Variants in SLC5A8 observed in about 807,000 individuals in gnomAD.
SLC5A8 encodes the protein solute carrier family 5 member 8, also known as sodium-coupled monocarboxylate transporter 1.
SLC5A8 carries 55 observed loss-of-function variants against 71.9 expected under a neutral mutation model. That is an observed-to-expected ratio of 0.77 (90% CI 0.62 to 0.96). The LOEUF (loss-of-function observed/expected upper bound fraction) is 0.96. SLC5A8 is among the 40% of genes least tolerant of loss of function. The pLI, the probability that SLC5A8 is intolerant of heterozygous loss-of-function variation, is 0.00. For synonymous variants in SLC5A8, 307 were observed against 276.1 expected (o/e 1.11, Z -1.11); for missense variants, 701 against 745.3 (o/e 0.94, Z 0.69).
rs1869831807 is a variant in SLC5A8 at position 101,209,621 on chromosome 12, G to A, written c.228C>T (p.Ser76=). Residue 76 remains serine (S), a synonymous_variant, in exon 1 of 15, where the codon TCC becomes TCT. Transcript: ENST00000536262. ...MSAVTVLGTP[S]EVYRFGAIFS... is the part of the protein sequence containing the mutation. The stretch of plus-strand genomic sequence containing the variant: ...AAATGGCCCCAAAACGGTAGACCTC[G>A]GAGGGGGTGCCCAGGACAGTGACGG... The A allele has an allele frequency of 5.6e-6, 9 of 1,613,986 alleles. No homozygotes were observed. The highest frequency in any genetic ancestry group is 1.1e-5 in the South Asian group (1 of 91,086).
Position 101,156,142 on chromosome 12 carries a change from C to T in SLC5A8, c.*1137G>A, listed in dbSNP as rs986443443. Reference sequence around the variant, plus strand: ...GAACAAAGCATTTTTTGAGTCCAGACGTTTTAAAAAAAGTAGTGTTTGCTT... The same window carrying T: ...GAACAAAGCATTTTTTGAGTCCAGATGTTTTAAAAAAAGTAGTGTTTGCTT... On this transcript the variant is annotated 3_prime_UTR_variant, in exon 15 of 15. Transcript: ENST00000536262. The T allele has an allele frequency of 2.0e-5, 3 of 151,786 alleles. No homozygotes were observed. The highest frequency in any genetic ancestry group is 2.9e-5 in the Non-Finnish European group (2 of 67,952). 9.4% of individuals were successfully genotyped at this position (151,786 alleles called of 1,614,324 possible).
intron 10 of SLC5A8, among the ~76,000 whole-genome samples, chr12:101,175,965 C>T (rs1309656389): frequency 1.3e-5 from 2 of 151,960 alleles, no homozygotes; most frequent in Admixed American, 1.3e-4. Flanking sequence ...AAACAGACAA[C>T]TAAAAACTGA....
intron 10 of SLC5A8, among the ~76,000 whole-genome samples, chr12:101,173,999 A>T (rs111827429): frequency 1.3e-5 from 2 of 152,110 alleles, no homozygotes; most frequent in African/African-American, 2.4e-5. Context: ...CAGGTTTTTC[A>T]TGGTGGCAAT....
intron 1 of SLC5A8, among the ~76,000 whole-genome samples, chr12:101,205,624 CG>C (rs1267067148): frequency 1.3e-5 from 2 of 151,924 alleles, no homozygotes; most frequent in African/African-American, 4.8e-5. Context: ...TTTTTTGCCC[CG>C]TGATCATGGC....
chr12:101,159,910 G>T (rs182640883), intron 13 of SLC5A8, among the ~76,000 whole-genome samples: 37 of 152,292 alleles, frequency 2.4e-4, no homozygotes, highest in Non-Finnish European at 1.5e-4. Flanking sequence ...TGGGCATGGT[G>T]GTGGCTCACG....
chr12:101,167,346 T>A (rs118121920), intron 11 of SLC5A8, among the ~76,000 whole-genome samples: 1,926 of 152,312 alleles, frequency 0.013, 20 homozygotes, highest in Admixed American at 0.024. Context: ...TACCAATTCC[T>A]AATGCCTTAT....
Position 101,209,480 on chromosome 12 carries a change from G to T in SLC5A8, c.351+18C>A. 28 of 991,320 alleles carry T rather than the reference G, an allele frequency of 2.8e-5. No individual in the cohort carries two copies. The highest frequency in any genetic ancestry group is 5.9e-5 in the East Asian group (2 of 33,626). The allele number at this position is 991,320 out of a possible 1,614,324, so 61.4% of individuals were successfully genotyped here. A position where few individuals can be genotyped will look rare whatever the true frequency, so the allele number is the denominator to read the frequency against. On this transcript the variant is annotated intron_variant, in intron 1 of 14. Transcript: ENST00000536262. ...TTCCCCCGCGCCCTGCATGGTCCCAGCCCACCCTGCCCCTTACCTCGTAGG... is the reference window on the plus strand; with the variant it reads ...TTCCCCCGCGCCCTGCATGGTCCCATCCCACCCTGCCCCTTACCTCGTAGG...
intron 13 of SLC5A8, among the ~76,000 whole-genome samples, chr12:101,158,533 C>G (rs185019294): frequency 7.1e-6 from 1 of 140,666 alleles, no homozygotes; most frequent in Admixed American, 7.3e-5. Context: ...GAAAGCCTCT[C>G]ACTATAATAA....
rs55796436 is a variant in SLC5A8 at position 101,157,183 on chromosome 12, AACAC to A, written c.*92_*95del. The A allele has an allele frequency of 3.7e-5, 52 of 1,390,394 alleles. No individual in the cohort carries two copies. Among genetic ancestry groups the A allele is most frequent in the South Asian group, 2.1e-4 (14 of 66,280 alleles). 86.1% of individuals were successfully genotyped at this position (1,390,394 alleles called of 1,614,324 possible). A position where few individuals can be genotyped will look rare whatever the true frequency, so the allele number is the denominator to read the frequency against. On this transcript the variant is annotated 3_prime_UTR_variant, in exon 15 of 15. Coordinates refer to ENST00000536262, the MANE Select transcript of SLC5A8 (RefSeq NM_145913.5). ...CTTATCCCCCAAACACTCATGATACAACACACACACACACACAAAGAAAACCTGA... is the reference window on the plus strand; with the variant it reads ...CTTATCCCCCAAACACTCATGATACAACACACACACACAAAGAAAACCTGA...
rs986333290 is a variant in SLC5A8 at position 101,183,997 on chromosome 12, G to A, written c.1052+137C>T. 1.8e-5 allele frequency: 13 copies of A among 740,746 alleles called. No individual in the cohort carries two copies. The East Asian group carries it at 2.1e-4, about 12-fold the overall frequency. 45.9% of individuals were successfully genotyped at this position (740,746 alleles called of 1,614,324 possible). On this transcript the variant is annotated intron_variant, in intron 8 of 14. Transcript: ENST00000536262. ...ACAGAGATAAGTCAGACCACAGAGA[G>A]GACACATACAGCAGATTGCCTACTT...
At position 101,209,872 on chromosome 12, in the gene SLC5A8, G is replaced by A. The variant is rs1202255058; in HGVS notation, c.-24C>T. ...ATGGCCGCACGGTCGCCTGAGCCCT[G>A]CGCGCAAACTGGTGGCCCCGCGGCG... On this transcript the variant is annotated 5_prime_UTR_variant, in exon 1 of 15. Coordinates refer to ENST00000536262, the MANE Select transcript of SLC5A8 (RefSeq NM_145913.5). 1 of 1,496,332 alleles carries A rather than the reference G, an allele frequency of 6.7e-7. No individual in the cohort carries two copies. The highest frequency in any genetic ancestry group is 1.4e-5 in the South Asian group (1 of 73,724). 92.7% of individuals were successfully genotyped at this position (1,496,332 alleles called of 1,614,324 possible).
chr12:101,180,119 A>G, intron 9 of SLC5A8, 23 bp from the exon 10 acceptor site: 1 of 1,612,892 alleles, frequency 6.2e-7, no homozygotes. Flanking sequence ...CATAAAAGCC[A>G]GTGTAAAATC....
intron 3 of SLC5A8, among the ~76,000 whole-genome samples, chr12:101,201,709 T>G (rs1240631386): frequency 6.6e-6 from 1 of 152,192 alleles, no homozygotes; most frequent in South Asian, 2.1e-4. Context: ...TCAAATCACA[T>G]GGCTCTCTTT....
At chr12:101,173,467 C>T (rs112754782) in intron 10 of SLC5A8, among the ~76,000 whole-genome samples, 1,662 of 152,250 alleles carry the variant, frequency 0.011, 18 homozygotes, top group South Asian at 0.029. Context: ...GCCAGCACAC[C>T]CAGGATCATC....
In SLC5A8 at chr12:101,157,349, T is replaced by C; in HGVS notation, c.1763A>G (p.Asp588Gly). ...KSHPVEDGGT[D>G]NPAFNHIELN... is the part of the protein sequence containing the mutation. Reference sequence around the variant, plus strand: ...TTCAATGTGGTTGAAAGCAGGATTATCAGTTCCACCATCTTCCACTGGATG... The same window carrying C: ...TTCAATGTGGTTGAAAGCAGGATTACCAGTTCCACCATCTTCCACTGGATG... The change falls in exon 15 of 15, where the codon GAT (aspartate) becomes GGT (glycine). Residue 588 changes from aspartate to glycine, a missense_variant. Transcript: ENST00000536262. 1 of 1,613,074 alleles carries C rather than the reference T, an allele frequency of 6.2e-7. No individual in the cohort carries two copies.
intron 6 of SLC5A8, among the ~76,000 whole-genome samples, chr12:101,190,119 C>T (rs1818071632): frequency 6.6e-6 from 1 of 152,070 alleles, no homozygotes; most frequent in South Asian, 2.1e-4. Flanking sequence ...TTACATATCT[C>T]CAGTATTATT....
At chr12:101,199,153 T>TA (rs1289200074) in intron 3 of SLC5A8, 5 of 151,846 alleles carry the variant, frequency 3.3e-5, no homozygotes, top group Admixed American at 3.3e-4. Context: ...TGCAATAGCA[T>TA]AAAAAACAAC....
In SLC5A8 at chr12:101,157,183, A is replaced by AAT. The variant is rs150497001; in HGVS notation, c.*95_*96insAT. 2.2e-6 allele frequency: 3 copies of AAT among 1,391,746 alleles called. No individual in the cohort carries two copies. Among genetic ancestry groups the AAT allele is most frequent in the Admixed American group, 2.1e-5 (1 of 46,648 alleles). 86.2% of individuals were successfully genotyped at this position (1,391,746 alleles called of 1,614,324 possible). A position where few individuals can be genotyped will look rare whatever the true frequency, so the allele number is the denominator to read the frequency against. ...CTTATCCCCCAAACACTCATGATAC[A>AAT]ACACACACACACACACAAAGAAAAC... is the stretch of plus-strand genomic sequence containing the variant. On this transcript the variant is annotated 3_prime_UTR_variant, in exon 15 of 15. Transcript: ENST00000536262.
At chr12:101,189,062 T>C (rs1069476) in intron 6 of SLC5A8, among the ~76,000 whole-genome samples, 39,965 of 152,040 alleles carry the variant, frequency 0.26, 5,731 homozygotes, top group East Asian at 0.53. Flanking sequence ...GCAGGAGATC[T>C]ACTATGCTTA....
Sources: allele counts gnomAD v4.1 joint callset (sites outside exome capture counted in the v4.1 genomes callset), GRCh38; gene constraint gnomAD v4.1.1; transcripts MANE v1.5; gene names NCBI Gene and HGNC (gene_info 2026-07-23, HGNC 2026-07-21).